DPH6: variants seen among roughly 807,000 people sequenced by gnomAD.
The protein encoded by DPH6 is diphthamine biosynthesis 6.
A neutral mutation model predicts 38.2 loss-of-function variants in DPH6; 33 were observed. That is an observed-to-expected ratio of 0.86 (90% CI 0.65 to 1.15). The LOEUF is 1.15. DPH6 is among the 50% of genes most tolerant of loss of function. DPH6 has a pLI of 0.00. For synonymous variants in DPH6, 108 were observed against 103.0 expected, an observed-to-expected ratio of 1.05 and a Z score of -0.30; for missense variants, 325 against 320.0, an observed-to-expected ratio of 1.02 and a Z score of -0.12.
the DPH6 span, among the ~76,000 whole-genome samples, chr15:35,147,064 T>A: frequency 1.3e-5 from 2 of 152,218 alleles, no homozygotes; most frequent in African/African-American, 4.8e-5. Context: ...ATAGAGCTCA[T>A]TATTGCCATC....
chr15:35,222,723 G>A (rs547333278), intron 3 of DPH6, among the ~76,000 whole-genome samples: 5 of 152,198 alleles, frequency 3.3e-5, no homozygotes, highest in Middle Eastern at 3.4e-3. Context: ...AATCAGATAC[G>A]CATTTGTCTC....
At chr15:35,303,571 A>G (rs2052068298) in intron 3 of DPH6, among the ~76,000 whole-genome samples, 1 of 151,670 alleles carries the variant, frequency 6.6e-6, no homozygotes, top group Non-Finnish European at 1.5e-5. Context: ...AATCCTATGC[A>G]TTTTTCAGTA....
At chr15:35,215,701 T>C (rs1428213778), downstream of DPH6, among the ~76,000 whole-genome samples, 1 of 152,246 alleles carries the variant, frequency 6.6e-6, no homozygotes, top group Non-Finnish European at 1.5e-5. Flanking sequence ...TACCATTTAC[T>C]GAGCCATTAT....
chr15:35,176,320 T>C, the DPH6 span, among the ~76,000 whole-genome samples: 5 of 152,188 alleles, frequency 3.3e-5, no homozygotes, highest in Admixed American at 6.5e-5. Flanking sequence ...GCTGCCCCAC[T>C]TAACAATATG....
intron 3 of DPH6, among the ~76,000 whole-genome samples, chr15:35,534,331 T>C (rs1383007570): frequency 6.7e-6 from 1 of 149,572 alleles, no homozygotes; most frequent in Non-Finnish European, 1.5e-5. Context: ...GAGCCAAGAT[T>C]GTGCCATTGC....
chr15:35,312,649 G>A (rs1595473038), intron 3 of DPH6, among the ~76,000 whole-genome samples: 2 of 152,138 alleles, frequency 1.3e-5, no homozygotes, highest in South Asian at 2.1e-4. Flanking sequence ...AACAGGACAG[G>A]AGGGGAAAAA....
the DPH6 span, among the ~76,000 whole-genome samples, chr15:35,209,388 T>A: frequency 2.0e-5 from 3 of 152,188 alleles, no homozygotes; most frequent in African/African-American, 7.2e-5. Context: ...AAAGTCAATA[T>A]ATTTCAGAAA....
intron 6 of DPH6, among the ~76,000 whole-genome samples, chr15:35,397,864 T>TACACAC (rs1288990452): frequency 3.4e-5 from 3 of 88,596 alleles, no homozygotes; most frequent in African/African-American, 1.5e-4. Flanking sequence ...TCAATTTATA[T>TACACAC]ATATACACAC....
chr15:35,267,986 T>G (rs888999930), intron 3 of DPH6, among the ~76,000 whole-genome samples: 3 of 152,066 alleles, frequency 2.0e-5, no homozygotes, highest in Non-Finnish European at 2.9e-5. Flanking sequence ...CTGGCTAACA[T>G]GGTGAAACCC....
intron 5 of DPH6, among the ~76,000 whole-genome samples, chr15:35,444,262 C>T (rs1196492397): frequency 6.6e-6 from 1 of 152,174 alleles, no homozygotes; most frequent in East Asian, 1.9e-4. Context: ...AAGTTATTGG[C>T]TTCCAGATGT....
At chr15:35,261,759 G>T (rs540321852) in intron 3 of DPH6, among the ~76,000 whole-genome samples, 1 of 152,066 alleles carries the variant, frequency 6.6e-6, no homozygotes, top group Non-Finnish European at 1.5e-5. Flanking sequence ...CTTGAGCCCA[G>T]GAGGTCGAGG....
At chr15:35,216,116 G>A (rs545777635), downstream of DPH6, among the ~76,000 whole-genome samples, 3 of 152,328 alleles carry the variant, frequency 2.0e-5, no homozygotes, top group South Asian at 2.1e-4. Flanking sequence ...AGATTAGCAT[G>A]GTAGATAGAG....
chr15:35,237,584 T>G (rs1387590763), intron 3 of DPH6: 1 of 1,579,200 alleles, frequency 6.3e-7, no homozygotes, highest in Non-Finnish European at 8.7e-7. Flanking sequence ...GGCAGAAAAG[T>G]GTCCGAACCT....
At chr15:35,245,554 C>T (rs1013325543) in intron 3 of DPH6, among the ~76,000 whole-genome samples, 2 of 152,040 alleles carry the variant, frequency 1.3e-5, no homozygotes, top group East Asian at 1.9e-4. Context: ...GTTTAAATTG[C>T]GAGAAAAAGT....
intron 3 of DPH6, chr15:35,298,759 G>C: frequency 6.8e-7 from 1 of 1,462,320 alleles, no homozygotes. Context: ...CCAAGTTAGC[G>C]AGGAAGGAGT....
chr15:35,220,791 A>T (rs2051437444), intron 3 of DPH6, among the ~76,000 whole-genome samples: 1 of 152,092 alleles, frequency 6.6e-6, no homozygotes, highest in South Asian at 2.1e-4. Context: ...GTATTCTACC[A>T]CCAACACAAG....
At chr15:35,236,599 A>G (rs1986129) in intron 3 of DPH6, among the ~76,000 whole-genome samples, 29,822 of 151,448 alleles carry the variant, frequency 0.2, 3,238 homozygotes, top group South Asian at 0.31. Context: ...AGATCGCGCC[A>G]CTGCACTCCA....
chr15:35,392,070 T>G (rs1563292), intron 6 of DPH6, among the ~76,000 whole-genome samples: 50,272 of 152,102 alleles, frequency 0.33, 9,283 homozygotes, highest in African/African-American at 0.5. Context: ...TAATGTTAGG[T>G]TAAGCTTTTG....
At chr15:35,451,934 T>C (rs530894802) in intron 4 of DPH6, among the ~76,000 whole-genome samples, 158 of 152,164 alleles carry the variant, frequency 1.0e-3, no homozygotes, top group Middle Eastern at 3.4e-3. Flanking sequence ...GGCGTGAACC[T>C]GGGAGGCGGA....
Sources: allele counts gnomAD v4.1 joint callset (sites outside exome capture counted in the v4.1 genomes callset), GRCh38; gene constraint gnomAD v4.1.1; transcripts MANE v1.5; gene names NCBI Gene and HGNC (gene_info 2026-07-23, HGNC 2026-07-21).